The following CTNNA2 variants were observed in gnomAD, a reference collection of about 807,000 sequenced individuals.
The protein encoded by CTNNA2 is catenin alpha-2.
In CTNNA2, 42 loss-of-function variants were observed where a neutral mutation model predicts 101.0. That is an observed-to-expected ratio of 0.42 (90% confidence interval 0.32 to 0.54). The LOEUF is 0.54. CTNNA2 is among the 20% of genes least tolerant of loss of function. The pLI is 0.14. For synonymous variants in CTNNA2, 450 were observed against 456.4 expected (o/e 0.99, Z 0.18); for missense variants, 871 against 1,223.1 (o/e 0.71, Z 4.29).
intron 1 of CTNNA2, among the ~76,000 whole-genome samples, chr2:79,623,023 A>G (rs77879559): frequency 0.026 from 3,896 of 152,304 alleles, 160 homozygotes; most frequent in African/African-American, 0.089. Context: ...GGAGTTCAAT[A>G]AACAACACAA....
intron 7 of CTNNA2, among the ~76,000 whole-genome samples, chr2:80,278,814 A>G (rs1573580755): frequency 6.6e-6 from 1 of 152,124 alleles, no homozygotes; most frequent in South Asian, 2.1e-4. Context: ...TAAAAATTAA[A>G]AAAATATATA....
At chr2:79,248,269 G>T (rs910058376) in intron 2 of CTNNA2, among the ~76,000 whole-genome samples, 4 of 151,912 alleles carry the variant, frequency 2.6e-5, no homozygotes, top group Admixed American at 6.6e-5. Context: ...AGAAATGTGA[G>T]CCACACATGT....
At chr2:79,431,707 C>T (rs1291021561) in intron 4 of CTNNA2, among the ~76,000 whole-genome samples, 1 of 152,116 alleles carries the variant, frequency 6.6e-6, no homozygotes, top group African/African-American at 2.4e-5. Context: ...ATATTTAGTT[C>T]CCTCTCTCAC....
chr2:79,953,853 A>G (rs934417572), intron 7 of CTNNA2, among the ~76,000 whole-genome samples: 2 of 152,158 alleles, frequency 1.3e-5, no homozygotes, highest in African/African-American at 2.4e-5. Flanking sequence ...CTTATTCACT[A>G]ATTTTTAGGT....
At chr2:79,685,279 G>A (rs957639199) in intron 2 of CTNNA2, among the ~76,000 whole-genome samples, 1 of 152,094 alleles carries the variant, frequency 6.6e-6, no homozygotes, top group African/African-American at 2.4e-5. Flanking sequence ...GAACAAATAT[G>A]AATCGTGCCT....
chr2:80,346,347 G>A (rs1455042190), intron 7 of CTNNA2, among the ~76,000 whole-genome samples: 1 of 152,148 alleles, frequency 6.6e-6, no homozygotes, highest in Non-Finnish European at 1.5e-5. Context: ...GTGGGAGCAG[G>A]CAAGAGTAAA....
At chr2:79,298,755 G>T (rs192690653) in intron 2 of CTNNA2, among the ~76,000 whole-genome samples, 1 of 152,156 alleles carries the variant, frequency 6.6e-6, no homozygotes, top group Non-Finnish European at 1.5e-5. Flanking sequence ...CTGTCTGCCC[G>T]CTGGGCATTC....
intron 2 of CTNNA2, among the ~76,000 whole-genome samples, chr2:79,203,461 T>C (rs58684320): frequency 0.17 from 25,887 of 152,090 alleles, 2,422 homozygotes; most frequent in African/African-American, 0.2. Context: ...AAAGACTTTT[T>C]CCACAGTGGG....
At chr2:79,794,585 T>A (rs1675551510) in intron 3 of CTNNA2, among the ~76,000 whole-genome samples, 1 of 152,076 alleles carries the variant, frequency 6.6e-6, no homozygotes, top group Non-Finnish European at 1.5e-5. Context: ...TAACAAAACT[T>A]ATCATAAGAT....
chr2:80,296,140 T>C (rs1333353326), intron 7 of CTNNA2, among the ~76,000 whole-genome samples: 3 of 152,200 alleles, frequency 2.0e-5, no homozygotes, highest in Non-Finnish European at 4.4e-5. Flanking sequence ...ATGCAATGTG[T>C]AACAATTGCA....
chr2:79,776,470 G>A (rs1334532061), intron 3 of CTNNA2, among the ~76,000 whole-genome samples: 1 of 152,128 alleles, frequency 6.6e-6, no homozygotes, highest in Non-Finnish European at 1.5e-5. Flanking sequence ...TTGCATATGA[G>A]TCGGGAAGAA....
chr2:80,006,382 C>G (rs944335626), intron 7 of CTNNA2, among the ~76,000 whole-genome samples: 4 of 142,046 alleles, frequency 2.8e-5, no homozygotes, highest in African/African-American at 1.0e-4. Context: ...AAAGAAAAAA[C>G]AAAAACTGAA....
chr2:80,163,157 A>G, intron 7 of CTNNA2: 1 of 1,510,790 alleles, frequency 6.6e-7, no homozygotes. Context: ...AGCCTGGTGG[A>G]AAACCTCGAA....
intron 9 of CTNNA2, among the ~76,000 whole-genome samples, chr2:80,503,645 G>T (rs1419955224): frequency 1.3e-5 from 2 of 152,060 alleles, no homozygotes; most frequent in Non-Finnish European, 2.9e-5. Flanking sequence ...CCTTTATTAT[G>T]GAGCTTGATT....
chr2:79,414,659 C>A (rs1434635907), intron 4 of CTNNA2, among the ~76,000 whole-genome samples: 1 of 152,060 alleles, frequency 6.6e-6, no homozygotes, highest in Non-Finnish European at 1.5e-5. Flanking sequence ...TGATGTTATG[C>A]AGCATCTGGG....
At chr2:80,050,189 G>A (rs1417825951) in intron 7 of CTNNA2, among the ~76,000 whole-genome samples, 2 of 152,230 alleles carry the variant, frequency 1.3e-5, no homozygotes, top group South Asian at 4.2e-4. Flanking sequence ...GATGTGGGGA[G>A]GCCGAGTCAC....
intron 17 of CTNNA2, among the ~76,000 whole-genome samples, chr2:80,617,802 A>T (rs1473920274): frequency 6.6e-6 from 1 of 151,850 alleles, no homozygotes; most frequent in Middle Eastern, 3.2e-3. Flanking sequence ...TAGAAATAGA[A>T]TTATATTGGC....
intron 7 of CTNNA2, among the ~76,000 whole-genome samples, chr2:79,929,891 C>T (rs1199064569): frequency 6.6e-6 from 1 of 152,006 alleles, no homozygotes; most frequent in Non-Finnish European, 1.5e-5. Flanking sequence ...CAGAAAGAAC[C>T]TGGCTATGAT....
chr2:79,311,275 G>C (rs576271813), intron 2 of CTNNA2, among the ~76,000 whole-genome samples: 3 of 152,172 alleles, frequency 2.0e-5, no homozygotes, highest in Non-Finnish European at 4.4e-5. Context: ...CCGGCGTGAT[G>C]GCGGGCGCCA....
Sources: gnomAD v4.1 joint callset for allele counts (sites outside exome capture counted in the v4.1 genomes callset) on GRCh38, gnomAD v4.1.1 for gene constraint, MANE v1.5 for transcripts, NCBI Gene and HGNC (gene_info 2026-07-23, HGNC 2026-07-21) for gene names.